The following PAK3 variants were observed in gnomAD, a reference collection of about 807,000 sequenced individuals.
PAK3 encodes serine/threonine-protein kinase PAK 3.
In PAK3, 4 loss-of-function variants were observed where a neutral mutation model predicts 41.0. The ratio of observed to expected loss-of-function variants is 0.10; its 90% confidence interval spans 0.05 to 0.22. The LOEUF (loss-of-function observed/expected upper bound fraction) is 0.22, where lower values mean the gene tolerates loss of function less well. Ranked by LOEUF, PAK3 falls within the 10% of genes least tolerant of loss-of-function variation. PAK3 has a pLI of 1.00. For missense variants in PAK3, 205 were observed against 409.9 expected (o/e 0.50, Z 4.32); for synonymous variants, 146 against 139.6 (o/e 1.05, Z -0.32).
At chrX:111,085,434 GCT>G (rs980342479) in intron 1 of PAK3, among the ~76,000 whole-genome samples, 6 of 112,247 alleles carry the variant, frequency 5.3e-5, no homozygotes, top group Non-Finnish European at 9.4e-5. Context: ...AGGATCAGCA[GCT>G]CTGTTAGGCA....
intron 5 of PAK3, among the ~76,000 whole-genome samples, chrX:111,123,705 G>T (rs181709374): frequency 8.9e-6 from 1 of 111,794 alleles, no homozygotes; most frequent in African/African-American, 3.2e-5. Context: ...CAGTATATGA[G>T]AATCAGTCCA....
chrX:111,041,958 A>G (rs763257862), intron 1 of PAK3, among the ~76,000 whole-genome samples: 2 of 112,046 alleles, frequency 1.8e-5, no homozygotes, highest in South Asian at 7.5e-4. Context: ...TTATTACTGC[A>G]TATATATTTC....
At chrX:111,217,228 A>G (rs2094888957) in intron 17 of PAK3, 1 of 161,941 alleles carries the variant, frequency 6.2e-6, no homozygotes, top group Admixed American at 9.4e-5. Flanking sequence ...CAGAGCTGGG[A>G]TATGAGCCCT....
chrX:111,083,825 C>T (rs941321928), intron 1 of PAK3, among the ~76,000 whole-genome samples: 2 of 112,311 alleles, frequency 1.8e-5, no homozygotes, highest in African/African-American at 6.5e-5. Flanking sequence ...TACGCTTTCC[C>T]CATTGCATGA....
At chrX:111,039,356 C>T (rs1354173865) in intron 1 of PAK3, among the ~76,000 whole-genome samples, 1 of 112,077 alleles carries the variant, frequency 8.9e-6, no homozygotes, top group Non-Finnish European at 1.9e-5. Flanking sequence ...TTTGTGAGGT[C>T]CCTGATGCTA....
chrX:111,153,624 A>G lies in PAK3; in HGVS notation c.468+1177A>G, dbSNP rs997794844. Reference sequence around the variant, plus strand: ...ACCTGATTCTTCTTCCTTTTATAGCAGACCAATGCCTTTTATAGTGGACAG... The same window carrying G: ...ACCTGATTCTTCTTCCTTTTATAGCGGACCAATGCCTTTTATAGTGGACAG... On this transcript the variant is annotated intron_variant, in intron 8 of 17. Coordinates refer to ENST00000372007, the MANE Select transcript of PAK3 (RefSeq NM_002578.5). 7.1e-5 allele frequency among the ~76,000 whole-genome samples: 8 copies of G among 112,154 alleles called. No individual in the cohort carries two copies. The East Asian group carries it at 2.0e-3, about 28-fold the overall frequency.
chrX:111,085,311 G>C (rs768243188), intron 1 of PAK3, among the ~76,000 whole-genome samples: 2 of 111,700 alleles, frequency 1.8e-5, no homozygotes, highest in South Asian at 7.5e-4. Flanking sequence ...CAACCCCACT[G>C]TCACCTCCAG....
intron 5 of PAK3, among the ~76,000 whole-genome samples, chrX:111,130,113 A>G (rs140411254): frequency 8.9e-6 from 1 of 112,173 alleles, no homozygotes; most frequent in African/African-American, 3.2e-5. Flanking sequence ...TGTGTTGCCT[A>G]GAGGGAGATG....
intron 1 of PAK3, among the ~76,000 whole-genome samples, chrX:111,010,553 C>A (rs774618560): frequency 4.5e-5 from 5 of 111,444 alleles, no homozygotes; most frequent in Admixed American, 9.5e-5. Flanking sequence ...AAGTGCCATC[C>A]CCTTGGTGAT....
chrX:111,163,157 A>C (rs2094211671), intron 9 of PAK3, 111 bp downstream of exon 9: 1 of 770,176 alleles, frequency 1.3e-6, no homozygotes, highest in Admixed American at 2.3e-5. Flanking sequence ...TTTATGTTCC[A>C]AGAGCTAAAG....
chrX:111,132,711 G>T (rs776287769), intron 5 of PAK3, among the ~76,000 whole-genome samples: 2 of 111,641 alleles, frequency 1.8e-5, no homozygotes, highest in South Asian at 7.7e-4. Context: ...AGCTATCTCA[G>T]TTTAAAAGTT....
intron 1 of PAK3, among the ~76,000 whole-genome samples, chrX:111,080,381 T>A (rs143143321): frequency 5.7e-4 from 64 of 111,821 alleles, no homozygotes; most frequent in African/African-American, 1.9e-3. Context: ...AGATTATGAG[T>A]CACTGAAAGC....
At chrX:111,217,467 A>G in intron 17 of PAK3, 1 of 937,919 alleles carries the variant, frequency 1.1e-6, no homozygotes, top group Non-Finnish European at 1.4e-6. Context: ...ACACTTGGTT[A>G]TACAGCGCAT....
At chrX:110,974,674 C>T (rs1048489111) in intron 1 of PAK3, among the ~76,000 whole-genome samples, 2 of 111,829 alleles carry the variant, frequency 1.8e-5, no homozygotes, top group Non-Finnish European at 3.8e-5. Flanking sequence ...GAATTGTAGA[C>T]CAATATCCCT....
chrX:111,028,857 G>T (rs2092306924), intron 1 of PAK3, among the ~76,000 whole-genome samples: 1 of 111,771 alleles, frequency 8.9e-6, no homozygotes. Context: ...TCTCAGCTGG[G>T]CACAGTGGCT....
intron 1 of PAK3, among the ~76,000 whole-genome samples, chrX:111,027,081 A>G (rs763452330): frequency 8.9e-6 from 1 of 111,898 alleles, no homozygotes; most frequent in South Asian, 3.7e-4. Flanking sequence ...TGTACAAAAA[A>G]TGGTGTTGGG....
chrX:111,183,230 A>G (rs916592125), intron 11 of PAK3, among the ~76,000 whole-genome samples: 2 of 111,776 alleles, frequency 1.8e-5, no homozygotes, highest in Admixed American at 1.9e-4. Context: ...AATCTAATTT[A>G]TCTCATAGAG....
chrX:111,118,537 G>C (rs773519534), intron 4 of PAK3, among the ~76,000 whole-genome samples: 1 of 110,261 alleles, frequency 9.1e-6, no homozygotes, highest in African/African-American at 3.3e-5. Context: ...TCCTGTGTTT[G>C]ATCCTCTCAT....
At chrX:111,124,853 G>T (rs2093626028) in intron 5 of PAK3, among the ~76,000 whole-genome samples, 1 of 91,405 alleles carries the variant, frequency 1.1e-5, no homozygotes, top group Non-Finnish European at 2.2e-5. Flanking sequence ...ACTTTCTTGT[G>T]GATGTTCAAG....
Sources: gnomAD v4.1 joint callset for allele counts (sites outside exome capture counted in the v4.1 genomes callset) on GRCh38, gnomAD v4.1.1 for gene constraint, MANE v1.5 for transcripts, NCBI Gene and HGNC (gene_info 2026-07-23, HGNC 2026-07-21) for gene names.